PRRX1: variants seen among roughly 807,000 people sequenced by gnomAD.
PRRX1 encodes the protein paired mesoderm homeobox protein 1.
A neutral mutation model predicts 24.0 loss-of-function variants in PRRX1; 8 were observed. The ratio of observed to expected loss-of-function variants is 0.33; its 90% CI spans 0.20 to 0.60. The LOEUF is 0.60. Among genes scored for constraint, PRRX1 ranks in the 20% least tolerant of loss-of-function variants. The probability of loss-of-function intolerance (pLI) is 0.82; values close to 1 mark genes in which losing one functional copy is unlikely to be tolerated. For synonymous variants in PRRX1, 160 were observed against 131.7 expected (o/e 1.22, Z -1.47); for missense variants, 281 against 322.4 (o/e 0.87, Z 0.98).
chr1:170,711,004 A>T (rs10800531), intron 1 of PRRX1, among the ~76,000 whole-genome samples: 76,159 of 152,084 alleles, frequency 0.5, 19,321 homozygotes, highest in Middle Eastern at 0.7. Context: ...AAGAATGGTA[A>T]TTTCCTCAAA....
At position 170,696,349 on chromosome 1, in the gene PRRX1, CT is replaced by C. The variant is rs1269305336; in HGVS notation, c.242-23376del. On this transcript the variant is annotated intron_variant, in intron 1 of 3. Transcript: ENST00000239461. ...GAATCTTAACATTATATTTTACGTC[CT>C]ACATTGCCTATTCTCTAGTGTGCGG... Among the ~76,000 whole-genome samples the C allele has an allele frequency of 5.3e-5, 8 of 152,264 alleles. No individual in the cohort carries two copies. The East Asian group carries it at 1.5e-3, about 29-fold the overall frequency.
intron 1 of PRRX1, among the ~76,000 whole-genome samples, chr1:170,694,477 T>A (rs1037711084): frequency 4.6e-5 from 7 of 152,154 alleles, no homozygotes; most frequent in African/African-American, 1.7e-4. Context: ...AAAATTTATA[T>A]TTCCATCTAG....
chr1:170,689,384 G>T (rs76960161), intron 1 of PRRX1, among the ~76,000 whole-genome samples: 6 of 152,192 alleles, frequency 3.9e-5, no homozygotes, highest in African/African-American at 7.2e-5. Flanking sequence ...ATCATAGTCT[G>T]ACAATTTTGA....
At chr1:170,728,901 A>T (rs1655341782) in intron 3 of PRRX1, 1 of 152,240 alleles carries the variant, frequency 6.6e-6, no homozygotes, top group Non-Finnish European at 1.5e-5. Flanking sequence ...AAGCAAAGGA[A>T]ATGATAGACT....
chr1:170,664,508 C>T (rs1332747614), intron 1 of PRRX1, 49 bp downstream of exon 1: 1 of 1,560,974 alleles, frequency 6.4e-7, no homozygotes, highest in Admixed American at 1.9e-5. Context: ...GGACAGAGGG[C>T]GGGGACCCGT....
intron 3 of PRRX1, chr1:170,728,157 T>A (rs1469043954): frequency 6.6e-6 from 1 of 152,168 alleles, no homozygotes; most frequent in Non-Finnish European, 1.5e-5. Flanking sequence ...ACGTGGTCCT[T>A]ACCAGTGAGA....
At chr1:170,707,131 A>G (rs1201237843) in intron 1 of PRRX1, among the ~76,000 whole-genome samples, 3 of 151,980 alleles carry the variant, frequency 2.0e-5, no homozygotes, top group Non-Finnish European at 4.4e-5. Flanking sequence ...CCTTAAAAAA[A>G]GGAAAAAGAA....
At chr1:170,725,504 A>C (rs1655227780) in intron 2 of PRRX1, among the ~76,000 whole-genome samples, 1 of 152,160 alleles carries the variant, frequency 6.6e-6, no homozygotes, top group Admixed American at 6.5e-5. Context: ...ACATTAATAG[A>C]CAATGACTGA....
Position 170,719,762 on chromosome 1 carries a change from A to T in PRRX1, c.278A>T (p.Lys93Met). ...QLNSEEKKKR[K>M]QRRNRTTFNS... is the part of the protein sequence containing the mutation. ...AACTCAGAAGAAAAAAAGAAGAGAAAGCAGCGAAGGAATAGGACAACCTTC... is the reference window on the plus strand; with the variant it reads ...AACTCAGAAGAAAAAAAGAAGAGAATGCAGCGAAGGAATAGGACAACCTTC... The change falls in exon 2 of 4, where the codon AAG becomes ATG. Residue 93 changes from lysine to methionine, a missense_variant. Physicochemically the swap from Lys to Met is moderately conservative, Grantham distance 95. Coordinates refer to ENST00000239461, the MANE Select transcript of PRRX1 (RefSeq NM_022716.4). 1 of 1,614,216 alleles carries T rather than the reference A, an allele frequency of 6.2e-7. No individual in the cohort carries two copies. Among genetic ancestry groups the T allele is most frequent in the Non-Finnish European group, 8.5e-7 (1 of 1,180,038 alleles).
At chr1:170,687,462 G>A (rs954239838) in intron 1 of PRRX1, among the ~76,000 whole-genome samples, 3 of 152,122 alleles carry the variant, frequency 2.0e-5, no homozygotes, top group Admixed American at 6.5e-5. Context: ...CGTTTGCTTC[G>A]ACAGAGCAGC....
chr1:170,689,844 C>A (rs959849195), intron 1 of PRRX1, among the ~76,000 whole-genome samples: 6 of 124,972 alleles, frequency 4.8e-5, no homozygotes, highest in African/African-American at 2.3e-4. Flanking sequence ...CTCTCCCTCT[C>A]TCTCTCTCTC....
chr1:170,684,471 G>A (rs919932551), intron 1 of PRRX1, among the ~76,000 whole-genome samples: 2 of 152,138 alleles, frequency 1.3e-5, no homozygotes, highest in Admixed American at 6.5e-5. Context: ...ATTTGGAATC[G>A]GCTGGGCGGG....
intron 1 of PRRX1, among the ~76,000 whole-genome samples, chr1:170,696,060 C>G (rs1454003960): frequency 1.3e-5 from 2 of 152,094 alleles, no homozygotes; most frequent in Non-Finnish European, 2.9e-5. Context: ...AAGACCAGTA[C>G]AGAAAAAGAG....
intron 1 of PRRX1, among the ~76,000 whole-genome samples, chr1:170,689,847 T>C (rs1014407175): frequency 1.3e-4 from 19 of 147,164 alleles, no homozygotes; most frequent in East Asian, 4.0e-4. Flanking sequence ...TCCCTCTCTC[T>C]CTCTCTCTCT....
In PRRX1 at chr1:170,736,425, T is replaced by C. The variant is rs1041888252; in HGVS notation, c.*239T>C. 8.7e-6 allele frequency: 5 copies of C among 572,562 alleles called. No individual in the cohort carries two copies. The highest frequency in any genetic ancestry group is 6.2e-5 in the Admixed American group (2 of 32,288). 35.5% of individuals were successfully genotyped at this position (572,562 alleles called of 1,614,324 possible). A position where few individuals can be genotyped will look rare whatever the true frequency, so the allele number is the denominator to read the frequency against. Reference sequence around the variant, plus strand: ...CACCACTTGTTTCTGTGTGTGTTTATTTTGTTTTTCTTTCATTCATGCTTT... The same window carrying C: ...CACCACTTGTTTCTGTGTGTGTTTACTTTGTTTTTCTTTCATTCATGCTTT... On this transcript the variant is annotated 3_prime_UTR_variant, in exon 4 of 4. Transcript: ENST00000239461.
intron 1 of PRRX1, among the ~76,000 whole-genome samples, chr1:170,698,631 ATATC>A (rs1558052902): frequency 6.6e-6 from 1 of 152,156 alleles, no homozygotes; most frequent in Non-Finnish European, 1.5e-5. Flanking sequence ...CAGCTTTCAG[ATATC>A]TATCTAGTAA....
intron 1 of PRRX1, 24 bp downstream of exon 1, chr1:170,664,483 G>C: frequency 6.3e-7 from 1 of 1,582,694 alleles, no homozygotes; most frequent in Non-Finnish European, 8.6e-7. Flanking sequence ...GCATGCCCAC[G>C]GGGGTGTGTG....
At chr1:170,711,286 C>T (rs1291209806) in intron 1 of PRRX1, among the ~76,000 whole-genome samples, 1 of 152,206 alleles carries the variant, frequency 6.6e-6, no homozygotes, top group African/African-American at 2.4e-5. Context: ...CTATCTCTTA[C>T]TGTGATGGAA....
At chr1:170,679,621 G>A (rs768044311) in intron 1 of PRRX1, among the ~76,000 whole-genome samples, 40 of 152,062 alleles carry the variant, frequency 2.6e-4, no homozygotes, top group Non-Finnish European at 4.1e-4. Context: ...GGATGGTCTC[G>A]ATCTCCTGAC....
Sources: gnomAD v4.1 joint callset for allele counts (sites outside exome capture counted in the v4.1 genomes callset) on GRCh38, gnomAD v4.1.1 for gene constraint, MANE v1.5 for transcripts, NCBI Gene and HGNC (gene_info 2026-07-23, HGNC 2026-07-21) for gene names.